CNTN1: variants seen among roughly 807,000 people sequenced by gnomAD.
CNTN1 encodes the protein contactin-1.
Under a neutral mutation model 126.4 loss-of-function variants are expected in CNTN1, and 38 were observed. The ratio of observed to expected loss-of-function variants is 0.30; its 90% confidence interval spans 0.23 to 0.39. The LOEUF is 0.39. Among genes scored for constraint, CNTN1 ranks in the 10% least tolerant of loss-of-function variants. The pLI is 1.00. For synonymous variants in CNTN1, 413 were observed against 422.6 expected (o/e 0.98, Z 0.28); for missense variants, 1,009 against 1,248.4 (o/e 0.81, Z 2.89).
At chr12:40,854,382 C>A (rs983012903) in intron 1 of CNTN1, among the ~76,000 whole-genome samples, 1 of 152,058 alleles carries the variant, frequency 6.6e-6, no homozygotes, top group Admixed American at 6.6e-5. Flanking sequence ...CAAGACACAA[C>A]ATGGGGGAAT....
At chr12:41,001,481 C>A (rs1218527898) in intron 17 of CNTN1, among the ~76,000 whole-genome samples, 1 of 151,806 alleles carries the variant, frequency 6.6e-6, no homozygotes, top group Non-Finnish European at 1.5e-5. Context: ...TTCTTTATAG[C>A]TGCTGGATAT....
intron 1 of CNTN1, among the ~76,000 whole-genome samples, chr12:40,701,629 T>C (rs1018105063): frequency 2.6e-5 from 4 of 152,196 alleles, no homozygotes; most frequent in Non-Finnish European, 5.9e-5. Context: ...ATTTAAAATA[T>C]TTGTAAATGC....
At chr12:40,810,459 C>T (rs1224116063) in intron 1 of CNTN1, among the ~76,000 whole-genome samples, 8 of 152,088 alleles carry the variant, frequency 5.3e-5, no homozygotes, top group Non-Finnish European at 8.8e-5. Context: ...ACTATAGTCA[C>T]CATGTTTTAC....
chr12:41,037,855 T>C (rs1213689578), intron 23 of CNTN1, among the ~76,000 whole-genome samples: 1 of 152,112 alleles, frequency 6.6e-6, no homozygotes, highest in Non-Finnish European at 1.5e-5. Flanking sequence ...TTGATGGTAT[T>C]GTTTTTAAAT....
intron 1 of CNTN1, among the ~76,000 whole-genome samples, chr12:40,706,881 C>T (rs55736346): frequency 0.11 from 16,786 of 152,146 alleles, 1,012 homozygotes; most frequent in Non-Finnish European, 0.13. Flanking sequence ...CTACAGACTC[C>T]GGCTTAGTAG....
intron 16 of CNTN1, among the ~76,000 whole-genome samples, chr12:40,983,972 G>T (rs1017282281): frequency 4.1e-5 from 6 of 145,102 alleles, no homozygotes; most frequent in African/African-American, 7.6e-5. Context: ...TGCTATAATA[G>T]CATATAATAT....
At chr12:40,796,341 T>TAATAGATTTGCTTCAG (rs1940428688) in intron 1 of CNTN1, among the ~76,000 whole-genome samples, 1 of 152,072 alleles carries the variant, frequency 6.6e-6, no homozygotes, top group African/African-American at 2.4e-5. Flanking sequence ...TTCAGACCTT[T>TAATAGATTTGCTTCAG]AGACTAGGGC....
chr12:41,037,221 C>T (rs1949286010), intron 23 of CNTN1, among the ~76,000 whole-genome samples: 1 of 151,848 alleles, frequency 6.6e-6, no homozygotes, highest in African/African-American at 2.4e-5. Context: ...TATAAAAGTT[C>T]CCAAATATTT....
intron 1 of CNTN1, among the ~76,000 whole-genome samples, chr12:40,835,966 G>A (rs910834270): frequency 4.1e-5 from 6 of 146,114 alleles, no homozygotes; most frequent in Admixed American, 3.6e-4. Flanking sequence ...TTATATTTTG[G>A]TGGATGAACA....
At chr12:40,878,306 T>TAAAA (rs200512380) in intron 1 of CNTN1, among the ~76,000 whole-genome samples, 1 of 143,082 alleles carries the variant, frequency 7.0e-6, no homozygotes, top group African/African-American at 2.6e-5. Context: ...AAGAAACAAT[T>TAAAA]AAAAAAAAAA....
intron 1 of CNTN1, among the ~76,000 whole-genome samples, chr12:40,846,927 G>A (rs1565823843): frequency 6.6e-6 from 1 of 152,062 alleles, no homozygotes; most frequent in South Asian, 2.1e-4. Flanking sequence ...GAGTGCAGTG[G>A]TGCGATCTCG....
At chr12:40,987,218 TTCAGCTTCATGAAG>T (rs1361954542) in intron 16 of CNTN1, among the ~76,000 whole-genome samples, 2 of 152,228 alleles carry the variant, frequency 1.3e-5, no homozygotes, top group Non-Finnish European at 2.9e-5. Flanking sequence ...CAGGATTAAA[TTCAGCTTCATGAAG>T]GTAAATACTT....
rs1944539559 is a variant in CNTN1 at position 40,899,693 on chromosome 12, A to G, written c.-76-8664A>G. Among the ~76,000 whole-genome samples, 3 of 152,264 alleles carry G rather than the reference A, an allele frequency of 2.0e-5. No individual in the cohort carries two copies. The South Asian group carries it at 6.2e-4, about 32-fold the overall frequency. On this transcript the variant is annotated intron_variant, in intron 1 of 23. Transcript: ENST00000551295. ...AACATACTTACTACGACAATCCTTG[A>G]ACTTTAGTATGCCTACAAATTTCCC...
At chr12:41,023,378 T>G (rs1353513134) in intron 20 of CNTN1, among the ~76,000 whole-genome samples, 1 of 152,236 alleles carries the variant, frequency 6.6e-6, no homozygotes, top group African/African-American at 2.4e-5. Context: ...TTTATGTCAC[T>G]TAGTATTTTT....
chr12:40,934,670 G>T (rs114149651), intron 9 of CNTN1, among the ~76,000 whole-genome samples: 3 of 151,542 alleles, frequency 2.0e-5, no homozygotes, highest in South Asian at 4.2e-4. Context: ...ACTTTCTCCC[G>T]TCTCTCCCAA....
Position 40,939,332 on chromosome 12 carries a change from T to C in CNTN1, c.1229-3T>C, listed in dbSNP as rs1946185857. The C allele has an allele frequency of 6.2e-7, 1 of 1,613,622 alleles. No homozygotes were observed. The highest frequency in any genetic ancestry group is 1.7e-5 in the Admixed American group (1 of 59,906). ...GAAAGATAACAATTTGTTTTCTTTTTAGCGTTGGCTCCAACTTTTGAAATG... is the reference window on the plus strand; with the variant it reads ...GAAAGATAACAATTTGTTTTCTTTTCAGCGTTGGCTCCAACTTTTGAAATG... On this transcript the variant is annotated splice_polypyrimidine_tract_variant and splice_region_variant and intron_variant, in intron 11 of 23. Transcript: ENST00000551295.
intron 1 of CNTN1, among the ~76,000 whole-genome samples, chr12:40,864,688 G>C (rs367777130): frequency 1.3e-5 from 2 of 151,980 alleles, no homozygotes; most frequent in Admixed American, 6.6e-5. Flanking sequence ...TTTTATTACT[G>C]TATAATATTC....
In CNTN1 at chr12:40,902,677, T is replaced by C. The variant is rs139091771; in HGVS notation, c.-76-5680T>C. Among the ~76,000 whole-genome samples the C allele has an allele frequency of 4.6e-3, 697 of 152,344 alleles. 6 individuals carry two copies. Among genetic ancestry groups the C allele is most frequent in the African/African-American group, 0.012 (518 of 41,574 alleles). ...TCTGTCAATGTAAATGATTGTCTAA[T>C]CATCAGTGCGATGAAAAGCTAGTTT... On this transcript the variant is annotated intron_variant, in intron 1 of 23. Coordinates refer to ENST00000551295, the MANE Select transcript of CNTN1 (RefSeq NM_001843.4).
rs189261040 is a variant in CNTN1, at chr12:40,978,602, T to C, written c.1805-2307T>C. ...GCCAGACATGTATCCGAGAAAACAA[T>C]GGACAAGTATAATTATAGTGTTTTG... On this transcript the variant is annotated intron_variant, in intron 15 of 23. Coordinates refer to ENST00000551295, the MANE Select transcript of CNTN1 (RefSeq NM_001843.4). The C allele has an allele frequency of 2.6e-5, 4 of 152,252 alleles. No homozygotes were observed. The East Asian group carries it at 7.7e-4, about 29-fold the overall frequency. 9.4% of individuals were successfully genotyped at this position (152,252 alleles called of 1,614,324 possible).
Sources: allele counts gnomAD v4.1 joint callset (sites outside exome capture counted in the v4.1 genomes callset), GRCh38; gene constraint gnomAD v4.1.1; transcripts MANE v1.5; gene names NCBI Gene and HGNC (gene_info 2026-07-23, HGNC 2026-07-21).